THSD4: variants seen among roughly 807,000 people sequenced by gnomAD.
The protein encoded by THSD4 is thrombospondin type 1 domain containing 4.
THSD4 carries 69 observed loss-of-function variants against 119.0 expected under a neutral mutation model. The observed-to-expected ratio is 0.58, with a 90% CI of 0.48 to 0.71. The LOEUF is 0.71. THSD4 is among the 30% of genes least tolerant of loss of function. THSD4 has a pLI of 0.00. For missense variants in THSD4, 1,393 were observed against 1,391.1 expected, an observed-to-expected ratio of 1.00 and a Z score of -0.02; for synonymous variants, 524 against 540.4, an observed-to-expected ratio of 0.97 and a Z score of 0.42.
intron 7 of THSD4, among the ~76,000 whole-genome samples, chr15:71,589,882 A>G (rs766685237): frequency 7.2e-6 from 1 of 139,408 alleles, no homozygotes; most frequent in Non-Finnish European, 1.6e-5. Context: ...TAAAAACAGG[A>G]AAACTAGAGC....
chr15:71,181,033 G>T (rs888816374), intron 3 of THSD4, among the ~76,000 whole-genome samples: 2 of 152,144 alleles, frequency 1.3e-5, no homozygotes, highest in African/African-American at 4.8e-5. Context: ...GTGTGAGATT[G>T]TCCCTTGGGA....
At chr15:71,553,883 G>T (rs1189469634) in intron 7 of THSD4, among the ~76,000 whole-genome samples, 1 of 151,800 alleles carries the variant, frequency 6.6e-6, no homozygotes, top group African/African-American at 2.4e-5. Context: ...TCTTAATCAT[G>T]ATTTCTTCAT....
At chr15:71,608,250 A>ACACC (rs2050153798) in intron 7 of THSD4, among the ~76,000 whole-genome samples, 1 of 20,586 alleles carries the variant, frequency 4.9e-5, no homozygotes. Flanking sequence ...ATATATATAT[A>ACACC]CACACACACA....
intron 6 of THSD4, among the ~76,000 whole-genome samples, chr15:71,295,202 G>A (rs2044846803): frequency 1.3e-5 from 2 of 152,142 alleles, no homozygotes; most frequent in Admixed American, 1.3e-4. Flanking sequence ...CAGTGATCCT[G>A]GGAGGGTGAT....
intron 8 of THSD4, among the ~76,000 whole-genome samples, chr15:71,704,767 A>G (rs983230478): frequency 6.6e-6 from 1 of 152,254 alleles, no homozygotes; most frequent in Non-Finnish European, 1.5e-5. Flanking sequence ...GATTTGTATG[A>G]CAGACCAGGG....
chr15:71,772,191 G>C (rs548682364), intron 17 of THSD4, among the ~76,000 whole-genome samples: 1 of 152,236 alleles, frequency 6.6e-6, no homozygotes, highest in East Asian at 1.9e-4. Flanking sequence ...AAGCTTTCAT[G>C]GGGTAGATTC....
intron 6 of THSD4, among the ~76,000 whole-genome samples, chr15:71,327,057 C>T (rs2045355210): frequency 6.6e-6 from 1 of 151,756 alleles, no homozygotes; most frequent in Non-Finnish European, 1.5e-5. Context: ...ATCCGAGCTA[C>T]TCGGGATTCT....
intron 7 of THSD4, among the ~76,000 whole-genome samples, chr15:71,548,941 T>G (rs1264945133): frequency 6.6e-6 from 1 of 152,170 alleles, no homozygotes; most frequent in African/African-American, 2.4e-5. Context: ...GTGCCAATTA[T>G]TCTTATTAAC....
chr15:71,419,359 A>G (rs2046787337), intron 7 of THSD4, among the ~76,000 whole-genome samples: 2 of 105,350 alleles, frequency 1.9e-5, no homozygotes, highest in Admixed American at 2.5e-4. Context: ...ACGCCACCAC[A>G]TCTGACTAAT....
At chr15:71,325,741 C>T (rs149159227) in intron 6 of THSD4, among the ~76,000 whole-genome samples, 2 of 151,992 alleles carry the variant, frequency 1.3e-5, no homozygotes, top group African/African-American at 4.8e-5. Flanking sequence ...AAGCCCAGGT[C>T]AGAGATTAGT....
At chr15:71,325,409 T>C (rs1056702139) in intron 6 of THSD4, among the ~76,000 whole-genome samples, 2 of 152,158 alleles carry the variant, frequency 1.3e-5, no homozygotes, top group African/African-American at 4.8e-5. Flanking sequence ...ACACTGGTGA[T>C]AGAGAGATGG....
At chr15:71,407,344 G>A (rs1193835632) in intron 6 of THSD4, among the ~76,000 whole-genome samples, 1 of 152,102 alleles carries the variant, frequency 6.6e-6, no homozygotes, top group African/African-American at 2.4e-5. Flanking sequence ...GCTTTCTTGG[G>A]TCGGCTAAGT....
At chr15:71,170,384 G>T (rs2043345668) in intron 3 of THSD4, among the ~76,000 whole-genome samples, 1 of 152,108 alleles carries the variant, frequency 6.6e-6, no homozygotes, top group South Asian at 2.1e-4. Flanking sequence ...ATTCATTCAG[G>T]ACCAAGAACA....
intron 7 of THSD4, among the ~76,000 whole-genome samples, chr15:71,574,347 T>A (rs991133213): frequency 6.6e-6 from 1 of 152,140 alleles, no homozygotes; most frequent in Non-Finnish European, 1.5e-5. Context: ...ACAAGCAAAA[T>A]GAGGCTTGGA....
At chr15:71,618,752 A>T (rs529978882) in intron 7 of THSD4, among the ~76,000 whole-genome samples, 260 of 152,104 alleles carry the variant, frequency 1.7e-3, no homozygotes, top group African/African-American at 6.0e-3. Context: ...TTTTAAAAAA[A>T]TTATTTGTAG....
intron 6 of THSD4, among the ~76,000 whole-genome samples, chr15:71,373,988 T>G (rs1301672029): frequency 6.6e-6 from 1 of 152,226 alleles, no homozygotes; most frequent in East Asian, 1.9e-4. Flanking sequence ...GGATGTTATG[T>G]GAACACTGGA....
intron 8 of THSD4, among the ~76,000 whole-genome samples, chr15:71,705,857 C>T (rs1386956052): frequency 6.6e-6 from 1 of 152,110 alleles, no homozygotes; most frequent in African/African-American, 2.4e-5. Context: ...GCCCTATATG[C>T]CCTGAAAGAA....
chr15:71,414,839 A>G (rs2140507919), intron 7 of THSD4, among the ~76,000 whole-genome samples: 1 of 152,336 alleles, frequency 6.6e-6, no homozygotes, highest in South Asian at 2.1e-4. Context: ...TGATGTTACT[A>G]GGACTACTGG....
At position 71,191,713 on chromosome 15, in the gene THSD4, G is replaced by A. The variant is rs566408404; in HGVS notation, c.100-23322G>A. 7.2e-5 allele frequency among the ~76,000 whole-genome samples: 11 copies of A among 152,110 alleles called. No individual in the cohort carries two copies. The South Asian group carries it at 1.2e-3, about 17-fold the overall frequency. ...TGTACTTGGTTGTTCCCTCCTTGCC[G>A]CAGCCCACTGTTGCAATCTCATCTC... On this transcript the variant is annotated intron_variant, in intron 3 of 17. Transcript: ENST00000261862.
Sources: gnomAD v4.1 joint callset for allele counts (sites outside exome capture counted in the v4.1 genomes callset) on GRCh38, gnomAD v4.1.1 for gene constraint, MANE v1.5 for transcripts, NCBI Gene and HGNC (gene_info 2026-07-23, HGNC 2026-07-21) for gene names.